The following FCHSD2 variants were observed in gnomAD, a reference collection of about 807,000 sequenced individuals.
FCHSD2 encodes the protein FCH and double SH3 domains 2, also known as F-BAR and double SH3 domains protein 2.
Under a neutral mutation model 108.1 loss-of-function variants are expected in FCHSD2, and 38 were observed. The observed-to-expected ratio is 0.35, with a 90% confidence interval of 0.27 to 0.46. The LOEUF (loss-of-function observed/expected upper bound fraction) is 0.46, where lower values mean the gene tolerates loss of function less well. FCHSD2 is among the 20% of genes least tolerant of loss of function. The pLI, the probability that FCHSD2 is intolerant of heterozygous loss-of-function variation, is 1.00. For missense variants in FCHSD2, 751 were observed against 897.8 expected (o/e 0.84, Z 2.09); for synonymous variants, 279 against 314.7 (o/e 0.89, Z 1.20).
At chr11:73,070,551 G>A (rs1169636763) in intron 3 of FCHSD2, among the ~76,000 whole-genome samples, 3 of 152,110 alleles carry the variant, frequency 2.0e-5, no homozygotes, top group Non-Finnish European at 4.4e-5. Flanking sequence ...AGCCTCCTGA[G>A]TAGCTGGTAT....
chr11:72,887,076 AATATAT>A (rs139077318), intron 12 of FCHSD2, among the ~76,000 whole-genome samples: 1 of 149,370 alleles, frequency 6.7e-6, no homozygotes, highest in African/African-American at 2.5e-5. Flanking sequence ...AAGCTCTGAA[AATATAT>A]ATATATATAT....
intron 12 of FCHSD2, among the ~76,000 whole-genome samples, chr11:72,883,850 T>C (rs1855139657): frequency 6.6e-6 from 1 of 151,444 alleles, no homozygotes; most frequent in Non-Finnish European, 1.5e-5. Flanking sequence ...GAGAATCGCT[T>C]GAGCCCAGGA....
intron 2 of FCHSD2, among the ~76,000 whole-genome samples, chr11:73,085,708 T>A (rs760334045): frequency 3.3e-5 from 5 of 151,816 alleles, no homozygotes; most frequent in Non-Finnish European, 7.4e-5. Context: ...TTAAAAACTT[T>A]TTAACTATTA....
chr11:73,048,968 A>G (rs1858829499), intron 3 of FCHSD2, among the ~76,000 whole-genome samples: 1 of 152,242 alleles, frequency 6.6e-6, no homozygotes, highest in South Asian at 2.1e-4. Context: ...GCTATGAAGA[A>G]CAGTAAATAT....
intron 8 of FCHSD2, among the ~76,000 whole-genome samples, chr11:72,946,748 C>A (rs774681832): frequency 3.3e-5 from 5 of 152,150 alleles, no homozygotes; most frequent in Non-Finnish European, 5.9e-5. Flanking sequence ...TGTGCAGTAA[C>A]TCTACTTTTT....
At chr11:73,139,696 A>G (rs903572826) in intron 2 of FCHSD2, among the ~76,000 whole-genome samples, 1 of 152,210 alleles carries the variant, frequency 6.6e-6, no homozygotes, top group Non-Finnish European at 1.5e-5. Context: ...TTAAAAATCT[A>G]ACTGTGTAAA....
chr11:72,907,169 T>C (rs899697986), intron 9 of FCHSD2, among the ~76,000 whole-genome samples: 2 of 152,238 alleles, frequency 1.3e-5, no homozygotes, highest in Non-Finnish European at 2.9e-5. Context: ...CCTGTGATTT[T>C]TGCACATTAA....
chr11:73,094,557 T>C (rs1468917924), intron 2 of FCHSD2, among the ~76,000 whole-genome samples: 2 of 152,204 alleles, frequency 1.3e-5, no homozygotes, highest in East Asian at 3.8e-4. Context: ...TATTCTTAAA[T>C]GGAGTAAAGC....
intron 2 of FCHSD2, among the ~76,000 whole-genome samples, chr11:73,097,912 G>C (rs955046779): frequency 2.5e-4 from 38 of 152,152 alleles, no homozygotes; most frequent in Non-Finnish European, 5.0e-4. Flanking sequence ...GGGCTCAAGC[G>C]ATCCTCCTGC....
intron 4 of FCHSD2, among the ~76,000 whole-genome samples, chr11:73,009,542 T>C (rs1857816115): frequency 6.6e-6 from 1 of 152,102 alleles, no homozygotes; most frequent in African/African-American, 2.4e-5. Context: ...TTATACAGTT[T>C]ATGGGGAACA....
chr11:72,959,354 C>T (rs760818909), intron 8 of FCHSD2, among the ~76,000 whole-genome samples: 4 of 150,198 alleles, frequency 2.7e-5, no homozygotes, highest in South Asian at 4.2e-4. Context: ...CTCAGTCTCC[C>T]GAGTAGCTGG....
intron 2 of FCHSD2, among the ~76,000 whole-genome samples, chr11:73,125,647 G>T (rs1199330071): frequency 6.6e-6 from 1 of 152,076 alleles, no homozygotes; most frequent in Non-Finnish European, 1.5e-5. Context: ...TAAGGCTGCA[G>T]TGAGCCATGA....
chr11:73,027,546 A>C (rs1858257043), intron 3 of FCHSD2, among the ~76,000 whole-genome samples: 1 of 152,238 alleles, frequency 6.6e-6, no homozygotes, highest in Non-Finnish European at 1.5e-5. Context: ...AGTTTGAAAA[A>C]TTTGCAGCCT....
chr11:73,001,507 G>A (rs1437848345), intron 4 of FCHSD2, among the ~76,000 whole-genome samples: 1 of 152,076 alleles, frequency 6.6e-6, no homozygotes. Context: ...CCTAATTTTA[G>A]TAATAAGGTA....
At chr11:73,110,752 T>A (rs989933293) in intron 2 of FCHSD2, among the ~76,000 whole-genome samples, 3 of 152,144 alleles carry the variant, frequency 2.0e-5, no homozygotes, top group African/African-American at 7.2e-5. Context: ...ATAAGGTACA[T>A]CATTAGGTTA....
At chr11:72,847,681 G>A (rs773076000) in intron 14 of FCHSD2, among the ~76,000 whole-genome samples, 1 of 148,962 alleles carries the variant, frequency 6.7e-6, no homozygotes, top group South Asian at 2.1e-4. Context: ...TAAGGCTTTT[G>A]ACTCTAACCT....
At chr11:72,867,810 T>C (rs961292739) in intron 13 of FCHSD2, 55 bp downstream of exon 13, 1 of 1,526,382 alleles carries the variant, frequency 6.6e-7, no homozygotes, top group Non-Finnish European at 8.9e-7. Context: ...GACTACAGAG[T>C]CAAAGCATGC....
intron 5 of FCHSD2, among the ~76,000 whole-genome samples, chr11:73,000,694 C>T (rs1857609155): frequency 6.6e-6 from 1 of 152,080 alleles, no homozygotes; most frequent in Non-Finnish European, 1.5e-5. Context: ...TCAAACTATA[C>T]CGATATTGTG....
At chr11:73,051,729 T>C (rs1459296240) in intron 3 of FCHSD2, among the ~76,000 whole-genome samples, 1 of 152,056 alleles carries the variant, frequency 6.6e-6, no homozygotes, top group Non-Finnish European at 1.5e-5. Flanking sequence ...ATATAGACAT[T>C]CAAAACAACA....
Sources: allele counts gnomAD v4.1 joint callset (sites outside exome capture counted in the v4.1 genomes callset), GRCh38; gene constraint gnomAD v4.1.1; transcripts MANE v1.5; gene names NCBI Gene and HGNC (gene_info 2026-07-23, HGNC 2026-07-21).